PCLO: variants seen among roughly 807,000 people sequenced by gnomAD.
PCLO encodes the protein protein piccolo.
PCLO carries 82 observed loss-of-function variants against 427.5 expected under a neutral mutation model. The observed-to-expected ratio is 0.19, with a 90% confidence interval of 0.16 to 0.23. PCLO has a LOEUF of 0.23. Ranked by LOEUF, PCLO falls within the 10% of genes least tolerant of loss-of-function variation. The pLI is 1.00. For missense variants in PCLO, 6,239 were observed against 6,115.9 expected (o/e 1.02, Z -0.67); for synonymous variants, 2,357 against 2,155.4 (o/e 1.09, Z -2.59).
At chr7:82,879,293 T>G (rs370320747) in intron 10 of PCLO, 44 bp downstream of exon 10, 5 of 1,501,980 alleles carry the variant, frequency 3.3e-6, no homozygotes, top group Non-Finnish European at 4.6e-6. Flanking sequence ...GTATTTAATA[T>G]GAGTGCATTC....
intron 19 of PCLO, among the ~76,000 whole-genome samples, chr7:82,823,125 A>G (rs957262968): frequency 1.3e-5 from 2 of 152,184 alleles, no homozygotes; most frequent in African/African-American, 2.4e-5. Context: ...GAATGTATGG[A>G]TCACGTATTT....
Position 82,777,021 on chromosome 7 carries a change from A to C in PCLO, c.15008-15528T>G, listed in dbSNP as rs1023670544. 7.9e-5 allele frequency among the ~76,000 whole-genome samples: 12 copies of C among 151,818 alleles called. No individual in the cohort carries two copies. The East Asian group carries it at 2.3e-3, about 29-fold the overall frequency. On this transcript the variant is annotated intron_variant, in intron 22 of 24. Coordinates refer to ENST00000333891, the MANE Select transcript of PCLO (RefSeq NM_033026.6). Reference sequence around the variant, plus strand: ...TAATTTGAGATATTCCCAACTTTTTAATGTTGATGTTTAGTGCTATAAATT... The same window carrying C: ...TAATTTGAGATATTCCCAACTTTTTCATGTTGATGTTTAGTGCTATAAATT...
Position 82,846,628 on chromosome 7 carries a change from G to A in PCLO, c.13770C>T (p.Leu4590=). The A allele has an allele frequency of 6.3e-7, 1 of 1,597,886 alleles. No homozygotes were observed. The highest frequency in any genetic ancestry group is 8.5e-7 in the Non-Finnish European group (1 of 1,170,992). The change falls in exon 12 of 25, where the codon CTC becomes CTT. Residue 4590 remains leucine (L), a synonymous_variant. Coordinates refer to ENST00000333891, the MANE Select transcript of PCLO (RefSeq NM_033026.6). ...GEAEICVRLD[L]NMLSDSENSQ... ...AATTTTCAGAATCTGATAGCATATT[G>A]AGGTCCCTAAAAATTAAAACAAAAC...
intron 3 of PCLO, among the ~76,000 whole-genome samples, chr7:83,074,982 T>C (rs1379248386): frequency 6.6e-6 from 1 of 152,154 alleles, no homozygotes; most frequent in African/African-American, 2.4e-5. Flanking sequence ...ACACAAATCT[T>C]AGTGGTCTCT....
intron 3 of PCLO, among the ~76,000 whole-genome samples, chr7:83,114,038 C>T (rs763986196): frequency 2.6e-5 from 4 of 152,078 alleles, no homozygotes; most frequent in Non-Finnish European, 5.9e-5. Context: ...AAAATCCTGA[C>T]AGCCAATACA....
intron 2 of PCLO, among the ~76,000 whole-genome samples, chr7:83,144,587 A>G (rs1253682885): frequency 1.3e-5 from 2 of 152,164 alleles, no homozygotes; most frequent in Non-Finnish European, 2.9e-5. Flanking sequence ...ACTTAACAGT[A>G]TATTTAAAAA....
At chr7:82,827,656 T>A (rs1452801961) in intron 17 of PCLO, among the ~76,000 whole-genome samples, 1 of 152,154 alleles carries the variant, frequency 6.6e-6, no homozygotes, top group Non-Finnish European at 1.5e-5. Context: ...TTTATTTGTT[T>A]ATGTTTTGGC....
chr7:82,903,485 A>G (rs1481534986), intron 8 of PCLO, among the ~76,000 whole-genome samples: 1 of 152,088 alleles, frequency 6.6e-6, no homozygotes, highest in East Asian at 1.9e-4. Context: ...TGAATATGAG[A>G]ATATTATAGA....
intron 3 of PCLO, among the ~76,000 whole-genome samples, chr7:82,994,284 GACA>G (rs1796444045): frequency 6.6e-6 from 1 of 151,910 alleles, no homozygotes. Context: ...AACAGATAAT[GACA>G]ACATCAGTAA....
intron 9 of PCLO, among the ~76,000 whole-genome samples, chr7:82,894,013 AT>A (rs530495413): frequency 1.6e-3 from 245 of 152,148 alleles, no homozygotes; most frequent in Non-Finnish European, 3.0e-3. Context: ...ACTTAAAAAA[AT>A]ATTTAAGTAT....
intron 3 of PCLO, among the ~76,000 whole-genome samples, chr7:83,076,242 T>C (rs2116376649): frequency 6.6e-6 from 1 of 152,102 alleles, no homozygotes; most frequent in African/African-American, 2.4e-5. Context: ...AACAAAAGAA[T>C]CTTTCAAAGG....
chr7:83,112,635 A>G (rs1034215494), intron 3 of PCLO, among the ~76,000 whole-genome samples: 1 of 152,142 alleles, frequency 6.6e-6, no homozygotes. Flanking sequence ...TCCAAAGTAT[A>G]CTCATTTTAA....
At chr7:83,041,740 G>A (rs1788979666) in intron 3 of PCLO, among the ~76,000 whole-genome samples, 1 of 152,100 alleles carries the variant, frequency 6.6e-6, no homozygotes, top group South Asian at 2.1e-4. Flanking sequence ...ATTCAAGAAT[G>A]TTATGACAAG....
At position 82,951,286 on chromosome 7, in the gene PCLO, A is replaced by C; in HGVS notation, c.9302T>G (p.Phe3101Cys). Residue 3101 changes from phenylalanine (F) to cysteine (C), a missense_variant, in exon 6 of 25, where the codon TTT becomes TGT. Phe to Cys is a radical substitution (Grantham distance 205). Transcript: ENST00000333891. ...GGAGCCAGGTTGTGTGGTGATAGCA[A>C]ATGTAGAGGGTGTTGGAGTTGCTAC... The part of the protein sequence containing the change: ...SSVATPTPST[F>C]AITTQPGSIF... 1 of 1,613,374 alleles carries C rather than the reference A, an allele frequency of 6.2e-7. No homozygotes were observed.
At chr7:83,138,276 C>T (rs1304674953) in intron 2 of PCLO, among the ~76,000 whole-genome samples, 4 of 152,106 alleles carry the variant, frequency 2.6e-5, no homozygotes, top group Admixed American at 6.5e-5. Context: ...TTTTAACAAG[C>T]GTCATAACCA....
intron 3 of PCLO, among the ~76,000 whole-genome samples, chr7:82,968,412 G>C (rs2115680729): frequency 6.6e-6 from 1 of 151,840 alleles, no homozygotes; most frequent in Non-Finnish European, 1.5e-5. Context: ...CCTGAAGGAA[G>C]AACTTCCATA....
chr7:82,921,795 GAC>G (rs1192517403), intron 6 of PCLO, among the ~76,000 whole-genome samples: 1 of 151,506 alleles, frequency 6.6e-6, no homozygotes, highest in Admixed American at 6.6e-5. Context: ...TCAACAGAGT[GAC>G]AGAAAATCTA....
chr7:83,071,167 T>C (rs1489094027), intron 3 of PCLO, among the ~76,000 whole-genome samples: 1 of 152,090 alleles, frequency 6.6e-6, no homozygotes, highest in Non-Finnish European at 1.5e-5. Flanking sequence ...ATCTTTTCCA[T>C]CACCCTAAAC....
chr7:82,782,929 T>C (rs1790904430), intron 22 of PCLO, among the ~76,000 whole-genome samples: 1 of 152,222 alleles, frequency 6.6e-6, no homozygotes, highest in Non-Finnish European at 1.5e-5. Context: ...GAAACCACCA[T>C]ACTCAATTTT....
Sources: allele counts gnomAD v4.1 joint callset (sites outside exome capture counted in the v4.1 genomes callset), GRCh38; gene constraint gnomAD v4.1.1; transcripts MANE v1.5; gene names NCBI Gene and HGNC (gene_info 2026-07-23, HGNC 2026-07-21).